PRKCA: variants seen among roughly 807,000 people sequenced by gnomAD.
PRKCA encodes the protein protein kinase C alpha.
PRKCA carries 27 observed loss-of-function variants against 87.0 expected under a neutral mutation model. That is an observed-to-expected ratio of 0.31 (90% CI 0.23 to 0.43). The LOEUF (loss-of-function observed/expected upper bound fraction) is 0.43. Ranked by LOEUF, PRKCA falls within the 20% of genes least tolerant of loss-of-function variation. The pLI is 1.00. For missense variants in PRKCA, 518 were observed against 852.3 expected, an observed-to-expected ratio of 0.61 and a Z score of 4.88; for synonymous variants, 329 against 311.1, an observed-to-expected ratio of 1.06 and a Z score of -0.61.
rs571807287 is a variant in PRKCA at position 66,305,488 on chromosome 17, C to G, written c.174-608C>G. ...AAAGTCATGTACAAGAACAAAATAG[C>G]CTCCCTATGTGCTTTGAATGCTATT... On this transcript the variant is annotated intron_variant, in intron 1 of 16. Coordinates refer to ENST00000413366, the MANE Select transcript of PRKCA (RefSeq NM_002737.3). 1.6e-4 allele frequency among the ~76,000 whole-genome samples: 24 copies of G among 152,288 alleles called. No homozygotes were observed. The South Asian group carries it at 2.7e-3, about 17-fold the overall frequency.
At chr17:66,464,690 G>T (rs3859214) in intron 2 of PRKCA, among the ~76,000 whole-genome samples, 79,788 of 151,662 alleles carry the variant, frequency 0.53, 22,636 homozygotes, top group African/African-American at 0.75. Flanking sequence ...ATCTGGTCTT[G>T]TGCCCATTTT....
intron 3 of PRKCA, among the ~76,000 whole-genome samples, chr17:66,552,993 T>C (rs1250535065): frequency 6.6e-6 from 1 of 152,148 alleles, no homozygotes; most frequent in Non-Finnish European, 1.5e-5. Context: ...TTTTCTTTTT[T>C]TTTTTTGAGA....
intron 6 of PRKCA, among the ~76,000 whole-genome samples, chr17:66,687,506 C>T (rs1406357804): frequency 6.6e-6 from 1 of 152,144 alleles, no homozygotes; most frequent in Non-Finnish European, 1.5e-5. Flanking sequence ...TCTGGATAAA[C>T]AATTCTATTT....
chr17:66,309,190 A>T (rs1010223413), intron 2 of PRKCA, among the ~76,000 whole-genome samples: 17 of 152,210 alleles, frequency 1.1e-4, no homozygotes, highest in Admixed American at 9.8e-4. Flanking sequence ...TAAGTAATAT[A>T]GCTTTAGATC....
At chr17:66,680,062 G>A (rs1267946200) in intron 5 of PRKCA, among the ~76,000 whole-genome samples, 2 of 152,170 alleles carry the variant, frequency 1.3e-5, no homozygotes, top group African/African-American at 4.8e-5. Context: ...AAGGCTCATG[G>A]GTTGTGGAAG....
chr17:66,765,476 C>A (rs1451441011), intron 13 of PRKCA, among the ~76,000 whole-genome samples: 1 of 81,994 alleles, frequency 1.2e-5, no homozygotes, highest in Non-Finnish European at 2.6e-5. Context: ...ACATATTTGT[C>A]CATATATATA....
intron 3 of PRKCA, among the ~76,000 whole-genome samples, chr17:66,513,922 G>A (rs1400466740): frequency 6.6e-6 from 1 of 152,080 alleles, no homozygotes; most frequent in African/African-American, 2.4e-5. Flanking sequence ...TTTCTTTTTG[G>A]ATTTAATCTT....
At chr17:66,508,199 A>G (rs1052033164) in intron 3 of PRKCA, among the ~76,000 whole-genome samples, 2 of 152,206 alleles carry the variant, frequency 1.3e-5, no homozygotes, top group Admixed American at 1.3e-4. Context: ...AGAGGCTTGT[A>G]CTAGCAAGAG....
chr17:66,564,974 C>T (rs895486207), intron 3 of PRKCA, among the ~76,000 whole-genome samples: 2 of 151,964 alleles, frequency 1.3e-5, no homozygotes, highest in Admixed American at 6.6e-5. Context: ...AGTAAGACTC[C>T]GTGTCAAAAC....
At chr17:66,698,179 G>A (rs74436299) in intron 8 of PRKCA, among the ~76,000 whole-genome samples, 10,374 of 152,262 alleles carry the variant, frequency 0.068, 386 homozygotes, top group South Asian at 0.14. Context: ...AGCATTTGAA[G>A]CAACAAGACT....
At chr17:66,799,643 A>G (rs867419530) in intron 16 of PRKCA, among the ~76,000 whole-genome samples, 457 of 16,528 alleles carry the variant, frequency 0.028, 22 homozygotes, top group African/African-American at 0.12. Flanking sequence ...GGTGGTGGTG[A>G]TGGTGGTGGT....
At chr17:66,616,934 T>C (rs1449770002) in intron 3 of PRKCA, among the ~76,000 whole-genome samples, 4 of 151,418 alleles carry the variant, frequency 2.6e-5, no homozygotes, top group Non-Finnish European at 1.5e-5. Context: ...GAGCTCCAGC[T>C]TTCCTGTGGC....
At chr17:66,721,096 G>A (rs1973603307) in intron 8 of PRKCA, among the ~76,000 whole-genome samples, 1 of 152,134 alleles carries the variant, frequency 6.6e-6, no homozygotes, top group Non-Finnish European at 1.5e-5. Context: ...TACTAAGAAA[G>A]TAAAGGAATA....
intron 2 of PRKCA, among the ~76,000 whole-genome samples, chr17:66,379,122 A>G (rs1390670150): frequency 6.6e-6 from 1 of 152,142 alleles, no homozygotes; most frequent in Non-Finnish European, 1.5e-5. Context: ...TCAGTTGTGC[A>G]TGAGTTTTTT....
chr17:66,558,689 G>A (rs180699494), intron 3 of PRKCA, among the ~76,000 whole-genome samples: 6 of 152,264 alleles, frequency 3.9e-5, no homozygotes, highest in Admixed American at 1.3e-4. Context: ...GGAGAGTAAG[G>A]GGGGGAGGGA....
intron 2 of PRKCA, among the ~76,000 whole-genome samples, chr17:66,486,827 A>T (rs1916009480): frequency 6.6e-6 from 1 of 152,166 alleles, no homozygotes; most frequent in Non-Finnish European, 1.5e-5. Flanking sequence ...GATATATAAT[A>T]GTTGTACATA....
intron 2 of PRKCA, among the ~76,000 whole-genome samples, chr17:66,469,737 T>G (rs1388491460): frequency 1.3e-5 from 2 of 152,248 alleles, no homozygotes; most frequent in Non-Finnish European, 2.9e-5. Context: ...AGCTTTGAGT[T>G]GTTTTTTTCT....
chr17:66,710,967 C>G (rs868763499), intron 8 of PRKCA, among the ~76,000 whole-genome samples: 1 of 151,972 alleles, frequency 6.6e-6, no homozygotes, highest in Non-Finnish European at 1.5e-5. Context: ...CACTTGAACC[C>G]GGGAGGCGGA....
intron 2 of PRKCA, among the ~76,000 whole-genome samples, chr17:66,484,873 A>C (rs1268365201): frequency 1.3e-5 from 2 of 152,200 alleles, no homozygotes; most frequent in African/African-American, 4.8e-5. Context: ...ATGTAATGTC[A>C]TACTTTCTCA....
Sources: allele counts gnomAD v4.1 joint callset (sites outside exome capture counted in the v4.1 genomes callset), GRCh38; gene constraint gnomAD v4.1.1; transcripts MANE v1.5; gene names NCBI Gene and HGNC (gene_info 2026-07-23, HGNC 2026-07-21).